The following MTUS2 variants were observed in gnomAD, a reference collection of about 807,000 sequenced individuals.
The protein encoded by MTUS2 is microtubule-associated tumor suppressor candidate 2.
MTUS2 carries 40 observed loss-of-function variants against 114.1 expected under a neutral mutation model. The observed-to-expected ratio is 0.35, with a 90% CI of 0.27 to 0.46. MTUS2 has a LOEUF of 0.46. Ranked by LOEUF, MTUS2 falls within the 20% of genes least tolerant of loss-of-function variation. The pLI is 1.00. For synonymous variants in MTUS2, 688 were observed against 672.0 expected (o/e 1.02, Z -0.37); for missense variants, 1,679 against 1,705.4 (o/e 0.98, Z 0.27).
intron 6 of MTUS2, among the ~76,000 whole-genome samples, chr13:29,285,032 A>G (rs1898419855): frequency 6.6e-6 from 1 of 152,078 alleles, no homozygotes; most frequent in Non-Finnish European, 1.5e-5. Flanking sequence ...TATAAAAACT[A>G]TGAGGATTCT....
intron 5 of MTUS2, among the ~76,000 whole-genome samples, chr13:29,114,025 T>A (rs1258559067): frequency 2.0e-5 from 3 of 152,202 alleles, no homozygotes; most frequent in African/African-American, 7.2e-5. Context: ...TCTTATGCTC[T>A]TGTTCGGACT....
intron 2 of MTUS2, among the ~76,000 whole-genome samples, chr13:28,842,842 C>T (rs1875604411): frequency 6.6e-6 from 1 of 152,144 alleles, no homozygotes; most frequent in Admixed American, 6.5e-5. Flanking sequence ...CTAGTAGCAG[C>T]CACATACAGT....
chr13:29,146,685 T>C (rs1371302195), intron 5 of MTUS2, among the ~76,000 whole-genome samples: 1 of 152,178 alleles, frequency 6.6e-6, no homozygotes, highest in Non-Finnish European at 1.5e-5. Context: ...CCTATGCAAA[T>C]ATGACTAAAT....
rs191645454 is a variant in MTUS2, at chr13:28,905,880, G to A, written c.-243+66030G>A. On this transcript the variant is annotated intron_variant, in intron 2 of 15. Transcript: ENST00000612955. Reference sequence around the variant, plus strand: ...TAGAATTTGGCTGTGAATCCATGTGGTCCTGGACTCTTTTTGGTTGGTAAG... The same window carrying A: ...TAGAATTTGGCTGTGAATCCATGTGATCCTGGACTCTTTTTGGTTGGTAAG... Among the ~76,000 whole-genome samples, 39 of 151,620 alleles carry A rather than the reference G, an allele frequency of 2.6e-4. 1 individual carries two copies. The highest frequency in any genetic ancestry group is 8.3e-4 in the African/African-American group (34 of 41,150).
intron 8 of MTUS2, among the ~76,000 whole-genome samples, chr13:29,389,592 T>C (rs1873078663): frequency 2.2e-5 from 3 of 134,270 alleles, no homozygotes; most frequent in Admixed American, 2.2e-4. Context: ...TACGTATACA[T>C]ATGTGTGTAT....
chr13:29,284,605 C>CCCGTTGATG (rs1183193960), intron 6 of MTUS2, among the ~76,000 whole-genome samples: 1 of 152,006 alleles, frequency 6.6e-6, no homozygotes, highest in Non-Finnish European at 1.5e-5. Flanking sequence ...AATTGCATAG[C>CCCGTTGATG]CCGTTGATGG....
intron 5 of MTUS2, among the ~76,000 whole-genome samples, chr13:29,148,842 T>C (rs897004077): frequency 6.6e-6 from 1 of 151,992 alleles, no homozygotes; most frequent in Non-Finnish European, 1.5e-5. Context: ...TCCACCCATG[T>C]CCCTGCAAAG....
At chr13:29,385,338 C>T (rs1434644026) in intron 8 of MTUS2, among the ~76,000 whole-genome samples, 5 of 152,110 alleles carry the variant, frequency 3.3e-5, no homozygotes, top group East Asian at 1.9e-4. Context: ...ACTGGGTGCT[C>T]GGTGTTTCAC....
intron 5 of MTUS2, among the ~76,000 whole-genome samples, chr13:29,279,471 A>G (rs927958478): frequency 9.2e-5 from 14 of 152,202 alleles, no homozygotes; most frequent in East Asian, 1.9e-4. Flanking sequence ...TTACCAAGCA[A>G]TGGTTTAATG....
intron 2 of MTUS2, among the ~76,000 whole-genome samples, chr13:28,854,260 G>T (rs1469976972): frequency 2.0e-5 from 3 of 152,194 alleles, no homozygotes; most frequent in Admixed American, 1.3e-4. Flanking sequence ...TAAGGATGCT[G>T]CTTCTGTGCA....
At chr13:29,121,900 T>A (rs1891326444) in intron 5 of MTUS2, among the ~76,000 whole-genome samples, 1 of 152,060 alleles carries the variant, frequency 6.6e-6, no homozygotes, top group African/African-American at 2.4e-5. Context: ...CCTGAGGTGA[T>A]CCGCCCTCCT....
At chr13:29,449,145 A>G (rs1175323588) in intron 9 of MTUS2, among the ~76,000 whole-genome samples, 1 of 152,168 alleles carries the variant, frequency 6.6e-6, no homozygotes, top group African/African-American at 2.4e-5. Flanking sequence ...TTATTGAACT[A>G]TAGCAAAACA....
chr13:29,114,605 G>A (rs1368336917), intron 5 of MTUS2, among the ~76,000 whole-genome samples: 1 of 152,224 alleles, frequency 6.6e-6, no homozygotes, highest in Non-Finnish European at 1.5e-5. Context: ...AGGAAGTAAG[G>A]AAGGGAAGTG....
chr13:29,068,238 T>G (rs949893768), intron 4 of MTUS2, among the ~76,000 whole-genome samples: 1 of 152,238 alleles, frequency 6.6e-6, no homozygotes, highest in African/African-American at 2.4e-5. Context: ...TTTCTACATA[T>G]TATTGAAATG....
chr13:29,266,008 G>A (rs960358412), intron 5 of MTUS2, among the ~76,000 whole-genome samples: 5 of 152,240 alleles, frequency 3.3e-5, no homozygotes, highest in African/African-American at 7.2e-5. Context: ...TGCCTCTTCC[G>A]AGCCAGACCA....
intron 5 of MTUS2, among the ~76,000 whole-genome samples, chr13:29,232,173 G>A (rs1391988696): frequency 2.0e-5 from 3 of 151,986 alleles, no homozygotes; most frequent in African/African-American, 7.3e-5. Context: ...ATTAATAAAA[G>A]CCAGAAATTC....
rs1886423980 is a variant in MTUS2 at position 29,024,583 on chromosome 13, T to G, written c.-116T>G. The G allele has an allele frequency of 7.9e-7, 1 of 1,272,018 alleles. No homozygotes were observed. Among genetic ancestry groups the G allele is most frequent in the Non-Finnish European group, 1.1e-6 (1 of 910,410 alleles). 78.8% of individuals were successfully genotyped at this position (1,272,018 alleles called of 1,614,324 possible). ...ATTAAAGCAGTGTCGCAAGGTGACATTGTCAGGGGAGAACAAGCAGCTTGA... is the reference window on the plus strand; with the variant it reads ...ATTAAAGCAGTGTCGCAAGGTGACAGTGTCAGGGGAGAACAAGCAGCTTGA... On this transcript the variant is annotated 5_prime_UTR_variant, in exon 3 of 16. Coordinates refer to ENST00000612955, the MANE Select transcript of MTUS2 (RefSeq NM_001033602.4).
chr13:28,912,974 CTT>C (rs1250367597), intron 2 of MTUS2, among the ~76,000 whole-genome samples: 3 of 152,118 alleles, frequency 2.0e-5, no homozygotes, highest in Non-Finnish European at 4.4e-5. Context: ...TATCCTGAGA[CTT>C]TGCTGAAGTT....
intron 2 of MTUS2, among the ~76,000 whole-genome samples, chr13:28,857,062 T>G (rs7337501): frequency 6.6e-6 from 1 of 152,354 alleles, no homozygotes; most frequent in East Asian, 1.9e-4. Flanking sequence ...AGGGGCTGAT[T>G]GCCCATTTGC....
Sources: allele counts gnomAD v4.1 joint callset (sites outside exome capture counted in the v4.1 genomes callset), GRCh38; gene constraint gnomAD v4.1.1; transcripts MANE v1.5; gene names NCBI Gene and HGNC (gene_info 2026-07-23, HGNC 2026-07-21).